KDM4C: variants seen among roughly 807,000 people sequenced by gnomAD.
KDM4C encodes lysine demethylase 4C.
Under a neutral mutation model 129.3 loss-of-function variants are expected in KDM4C, and 81 were observed. That is an observed-to-expected ratio of 0.63 (90% CI 0.52 to 0.75). The LOEUF (loss-of-function observed/expected upper bound fraction) is 0.75. Among genes scored for constraint, KDM4C ranks in the 30% least tolerant of loss-of-function variants. The pLI is 0.00. For missense variants in KDM4C, 1,457 were observed against 1,304.0 expected (o/e 1.12, Z -1.81); for synonymous variants, 573 against 456.1 (o/e 1.26, Z -3.26).
intron 8 of KDM4C, among the ~76,000 whole-genome samples, chr9:6,964,199 C>A (rs906957556): frequency 6.6e-6 from 1 of 152,150 alleles, no homozygotes; most frequent in East Asian, 1.9e-4. Flanking sequence ...ATTAACTCAT[C>A]ATTTACATTA....
intron 8 of KDM4C, among the ~76,000 whole-genome samples, chr9:6,895,202 T>G (rs1356677938): frequency 6.6e-6 from 1 of 152,252 alleles, no homozygotes; most frequent in East Asian, 1.9e-4. Context: ...AATAGCCATT[T>G]ATTATCTCAT....
intron 18 of KDM4C, among the ~76,000 whole-genome samples, chr9:7,108,140 C>G (rs1837908461): frequency 6.6e-6 from 1 of 152,160 alleles, no homozygotes; most frequent in East Asian, 1.9e-4. Flanking sequence ...TGTCTAGGAT[C>G]TTGTTATTCC....
intron 4 of KDM4C, among the ~76,000 whole-genome samples, chr9:6,821,301 CTTCCACAGTGG>C (rs1375275875): frequency 6.6e-6 from 1 of 152,206 alleles, no homozygotes. Context: ...ACCACACTGT[CTTCCACAGTGG>C]TTGAACTAAT....
intron 17 of KDM4C, among the ~76,000 whole-genome samples, chr9:7,096,781 G>A (rs1374028518): frequency 6.6e-6 from 1 of 152,168 alleles, no homozygotes; most frequent in African/African-American, 2.4e-5. Context: ...TTTCTGGGTG[G>A]TCTGGTCTGT....
chr9:7,009,956 T>C (rs1177845382), intron 12 of KDM4C, among the ~76,000 whole-genome samples: 1 of 152,208 alleles, frequency 6.6e-6, no homozygotes, highest in Non-Finnish European at 1.5e-5. Context: ...AGATATGTCA[T>C]GAAGGCATAA....
At chr9:6,926,028 A>G (rs957739151) in intron 8 of KDM4C, among the ~76,000 whole-genome samples, 2 of 152,142 alleles carry the variant, frequency 1.3e-5, no homozygotes, top group African/African-American at 2.4e-5. Context: ...TTCCGAGCAT[A>G]GCCGCTGCGA....
intron 17 of KDM4C, among the ~76,000 whole-genome samples, chr9:7,075,305 T>G (rs1570508): frequency 0.58 from 88,502 of 152,044 alleles, 26,530 homozygotes; most frequent in Non-Finnish European, 0.65. Flanking sequence ...CTGTTTCATC[T>G]TCTATGGTTT....
intron 18 of KDM4C, among the ~76,000 whole-genome samples, chr9:7,125,137 C>T (rs1246510495): frequency 6.6e-6 from 1 of 152,166 alleles, no homozygotes; most frequent in Non-Finnish European, 1.5e-5. Flanking sequence ...GCCCTGACCC[C>T]TGCTCCCCGG....
At chr9:7,074,628 A>G (rs1394887150) in intron 17 of KDM4C, among the ~76,000 whole-genome samples, 1 of 152,154 alleles carries the variant, frequency 6.6e-6, no homozygotes, top group African/African-American at 2.4e-5. Context: ...AAAGGAATGC[A>G]TATATTTTTG....
intron 5 of KDM4C, among the ~76,000 whole-genome samples, chr9:6,862,532 G>A (rs1841124890): frequency 1.3e-5 from 2 of 152,228 alleles, no homozygotes; most frequent in Admixed American, 6.5e-5. Context: ...GCTGGGTGTG[G>A]TGGCTCACAG....
rs1828930139 is a variant in KDM4C at position 7,043,563 on chromosome 9, CAA to C, written c.2260-3297_2260-3296del. ...TAATCATAGGCATGTAATGAAACTA[CAA>C]ATGAATGAATGGACAGGTTGGCATC... On this transcript the variant is annotated intron_variant, in intron 15 of 21. Coordinates refer to ENST00000381309, the MANE Select transcript of KDM4C (RefSeq NM_015061.6). Among the ~76,000 whole-genome samples, 3 of 152,054 alleles carry C rather than the reference CAA, an allele frequency of 2.0e-5. No individual in the cohort carries two copies. The South Asian group carries it at 6.2e-4, about 32-fold the overall frequency.
intron 15 of KDM4C, among the ~76,000 whole-genome samples, chr9:7,028,116 A>C (rs1826098017): frequency 6.6e-6 from 1 of 152,118 alleles, no homozygotes; most frequent in Admixed American, 6.5e-5. Context: ...TGCAAGAGAA[A>C]GTCACCTTTA....
intron 20 of KDM4C, among the ~76,000 whole-genome samples, chr9:7,167,674 T>TC (rs1342651109): frequency 2.6e-5 from 4 of 152,202 alleles, no homozygotes; most frequent in African/African-American, 7.2e-5. Context: ...AATAATACGT[T>TC]CAATTGTATG....
chr9:6,794,153 A>G lies in KDM4C; in HGVS notation c.144+1021A>G, dbSNP rs568413231. On this transcript the variant is annotated intron_variant, in intron 2 of 21. Transcript: ENST00000381309. ...TCAACAAATGTGGAGATTGCCTGCT[A>G]TGTGCCAGACACTATGCCAGGTGCT... Among the ~76,000 whole-genome samples, 369 of 152,330 alleles carry G rather than the reference A, an allele frequency of 2.4e-3. 2 individuals are homozygous for G. The highest frequency in any genetic ancestry group is 8.6e-3 in the African/African-American group (356 of 41,574).
chr9:7,145,682 G>A (rs1842159146), intron 19 of KDM4C, among the ~76,000 whole-genome samples: 1 of 152,186 alleles, frequency 6.6e-6, no homozygotes, highest in South Asian at 2.1e-4. Flanking sequence ...CTGCCTCTTC[G>A]GAACACCCAG....
chr9:6,902,982 G>T (rs1817661410), intron 8 of KDM4C, among the ~76,000 whole-genome samples: 1 of 151,814 alleles, frequency 6.6e-6, no homozygotes, highest in Admixed American at 6.6e-5. Context: ...AATTTGAAAG[G>T]CCGTGTTTTG....
chr9:7,099,430 C>A lies in KDM4C; in HGVS notation c.2425-4255C>A, dbSNP rs73409557. Among the ~76,000 whole-genome samples, 673 of 152,272 alleles carry A rather than the reference C, an allele frequency of 4.4e-3. 4 individuals are homozygous for A. Among genetic ancestry groups the A allele is most frequent in the African/African-American group, 0.015 (628 of 41,562 alleles). ...TTAGTAGCCTTAATGGCCTATGCCA[C>A]TGGAATAAGTATGGAAATCCAGTCC... On this transcript the variant is annotated intron_variant, in intron 17 of 21. Coordinates refer to ENST00000381309, the MANE Select transcript of KDM4C (RefSeq NM_015061.6).
At chr9:6,774,628 G>A (rs1008897993) in intron 1 of KDM4C, among the ~76,000 whole-genome samples, 2 of 152,102 alleles carry the variant, frequency 1.3e-5, no homozygotes, top group Admixed American at 6.5e-5. Context: ...CTGTGCTACC[G>A]CACTCCAGCA....
rs144782569 is a variant in KDM4C, at chr9:6,750,268, A to G, written c.49+29271A>G. On this transcript the variant is annotated intron_variant, in intron 1 of 17. Coordinates refer to the KDM4C transcript ENST00000536108. ...AGCCTGACCAATATGGTGGAACCCC[A>G]TCTTTACTAAAAATACAAAAATTAT... Among the ~76,000 whole-genome samples the G allele has an allele frequency of 4.5e-3, 678 of 151,978 alleles. 11 individuals are homozygous for G. The highest frequency in any genetic ancestry group is 0.015 in the African/African-American group (640 of 41,432).
Sources: gnomAD v4.1 joint callset for allele counts (sites outside exome capture counted in the v4.1 genomes callset) on GRCh38, gnomAD v4.1.1 for gene constraint, MANE v1.5 for transcripts, NCBI Gene and HGNC (gene_info 2026-07-23, HGNC 2026-07-21) for gene names.